The following ZFHX3 variants were observed in gnomAD, a reference collection of about 807,000 sequenced individuals.
ZFHX3 encodes zinc finger homeobox 3, also known as zinc finger homeobox protein 3.
In ZFHX3, 42 loss-of-function variants were observed where a neutral mutation model predicts 279.1. That is an observed-to-expected ratio of 0.15 (90% CI 0.12 to 0.19). The LOEUF (loss-of-function observed/expected upper bound fraction) is 0.19, where lower values mean the gene tolerates loss of function less well. ZFHX3 is among the 10% of genes least tolerant of loss of function. The pLI is 1.00. For missense variants in ZFHX3, 4,981 were observed against 4,754.0 expected (o/e 1.05, Z -1.40); for synonymous variants, 2,293 against 1,957.8 (o/e 1.17, Z -4.52).
At chr16:73,334,449 A>T (rs886118452) in intron 3 of ZFHX3, among the ~76,000 whole-genome samples, 2 of 152,190 alleles carry the variant, frequency 1.3e-5, no homozygotes, top group Non-Finnish European at 2.9e-5. Flanking sequence ...GGCAAGAATG[A>T]AATGCACTTT....
Position 72,962,647 on chromosome 16 carries a change from G to A in ZFHX3, c.-49-2453C>T, listed in dbSNP as rs530315020. Reference sequence around the variant, plus strand: ...GGACTTGAAGCATTATCCTCTCCGGGGAGCTTAAGAGACATGCACTGTCTC... The same window carrying A: ...GGACTTGAAGCATTATCCTCTCCGGAGAGCTTAAGAGACATGCACTGTCTC... On this transcript the variant is annotated intron_variant, in intron 1 of 9. Transcript: ENST00000268489. 5.9e-5 allele frequency among the ~76,000 whole-genome samples: 9 copies of A among 152,240 alleles called. No homozygotes were observed. In the South Asian group the frequency reaches 1.9e-3, roughly 32 times the overall value.
In ZFHX3 at chr16:72,958,700, T is replaced by C. The variant is rs1463596549; in HGVS notation, c.1446A>G (p.Glu482=). The C allele has an allele frequency of 3.7e-6, 6 of 1,613,624 alleles. No homozygotes were observed. In the East Asian group the frequency reaches 8.9e-5, roughly 24 times the overall value. The change falls in exon 2 of 10, where the codon GAA becomes GAG. Residue 482 remains glutamate, a synonymous_variant. Transcript: ENST00000268489. ...AACCCTCGTCTTCCTCCTCCTCTTC[T>C]TCCTCCTCCTCTTCTTCCTCCTCCT... The part of the protein sequence containing the change: ...AEEEEEEEEE[E]EEEEEDEGCK...
chr16:73,676,442 G>C (rs1193305433), intron 2 of ZFHX3, among the ~76,000 whole-genome samples: 1 of 151,742 alleles, frequency 6.6e-6, no homozygotes, highest in African/African-American at 2.4e-5. Flanking sequence ...TGGAGATATA[G>C]AGATTAAATA....
At chr16:73,158,644 A>AT (rs1967154385) in intron 5 of ZFHX3, among the ~76,000 whole-genome samples, 2 of 152,196 alleles carry the variant, frequency 1.3e-5, no homozygotes, top group Non-Finnish European at 2.9e-5. Flanking sequence ...AAAAAGCACG[A>AT]AGCTGGAGGC....
In ZFHX3 at chr16:73,447,180, C is replaced by CAA. The variant is rs61445002; in HGVS notation, c.-1291+8821_-1291+8822dup. Among the ~76,000 whole-genome samples, 488 of 90,546 alleles carry CAA rather than the reference C, an allele frequency of 5.4e-3. 4 individuals are homozygous for CAA. Among genetic ancestry groups the CAA allele is most frequent in the East Asian group, 0.033 (104 of 3,116 alleles). 59.4% of individuals were successfully genotyped at this position (90,546 alleles called of 152,430 possible). ...TGGGCAACAGAGCAAGACTCCATCTCAAAAAAAAAAAAAAAAATGTAAAAC... is the reference window on the plus strand; with the variant it reads ...TGGGCAACAGAGCAAGACTCCATCTCAAAAAAAAAAAAAAAAAAATGTAAAAC... On this transcript the variant is annotated intron_variant, in intron 3 of 17. Coordinates refer to the ZFHX3 transcript ENST00000641206.
At chr16:72,858,530 C>A (rs1490877775) in intron 4 of ZFHX3, among the ~76,000 whole-genome samples, 2 of 152,208 alleles carry the variant, frequency 1.3e-5, no homozygotes, top group East Asian at 3.8e-4. Context: ...TGCTTTTATA[C>A]ATTAATCAAT....
At chr16:73,728,024 C>CCA (rs1567563310) in intron 1 of ZFHX3, among the ~76,000 whole-genome samples, 1 of 114,538 alleles carries the variant, frequency 8.7e-6, no homozygotes, top group African/African-American at 3.2e-5. Context: ...TGCCCCCCCC[C>CCA]CGCCCCCAAT....
In ZFHX3 at chr16:72,908,178, A is replaced by T. The variant is rs77518531; in HGVS notation, c.3217-18216T>A. Among the ~76,000 whole-genome samples, 8 of 152,290 alleles carry T rather than the reference A, an allele frequency of 5.3e-5. No homozygotes were observed. The South Asian group carries it at 1.5e-3, about 28-fold the overall frequency. ...GTGAGACTGGAAGGTTCCTGAGGGC[A>T]GAGATGCTATGCCCTCCTCCCTGGG... On this transcript the variant is annotated intron_variant, in intron 3 of 9. Transcript: ENST00000268489.
At chr16:73,757,564 G>C (rs940925389) in intron 1 of ZFHX3, among the ~76,000 whole-genome samples, 3 of 152,136 alleles carry the variant, frequency 2.0e-5, no homozygotes, top group African/African-American at 7.2e-5. Context: ...ACCCACCAAG[G>C]CTAAGCAATG....
At chr16:73,476,198 G>T (rs762863480) in intron 2 of ZFHX3, among the ~76,000 whole-genome samples, 4 of 151,912 alleles carry the variant, frequency 2.6e-5, no homozygotes, top group Non-Finnish European at 5.9e-5. Context: ...ATTCTTTTGA[G>T]ATTTTGATTA....
chr16:73,735,909 T>TGTTTGTTTGTTTGTTTGTTTG (rs1567565769), intron 1 of ZFHX3, among the ~76,000 whole-genome samples: 1 of 148,130 alleles, frequency 6.8e-6, no homozygotes, highest in African/African-American at 2.6e-5. Context: ...TTTTTTTTTT[T>TGTTTGTTTGTTTGTTTGTTTG]TTTTTTTAAT....
intron 3 of ZFHX3, among the ~76,000 whole-genome samples, chr16:73,404,502 G>A (rs573826630): frequency 1.9e-4 from 29 of 152,254 alleles, no homozygotes; most frequent in African/African-American, 5.3e-4. Context: ...CTAAGCAGCC[G>A]CAAAGAGACC....
chr16:73,875,763 C>T (rs73603583), intron 1 of ZFHX3, among the ~76,000 whole-genome samples: 9,969 of 152,224 alleles, frequency 0.065, 835 homozygotes, highest in African/African-American at 0.19. Context: ...ATTTTACACA[C>T]ATCTGATAGC....
At chr16:73,504,158 A>C (rs2019284315) in intron 2 of ZFHX3, 1 of 152,098 alleles carries the variant, frequency 6.6e-6, no homozygotes, top group African/African-American at 2.4e-5. Context: ...TTTCTTTTAA[A>C]TGCTCCCCAC....
At chr16:73,206,944 A>C (rs1241315777) in intron 5 of ZFHX3, among the ~76,000 whole-genome samples, 1 of 151,742 alleles carries the variant, frequency 6.6e-6, no homozygotes, top group Non-Finnish European at 1.5e-5. Context: ...CTTGAACCTG[A>C]GAGGTGGAGG....
chr16:73,468,548 C>T (rs1482148231), intron 2 of ZFHX3, among the ~76,000 whole-genome samples: 1 of 152,146 alleles, frequency 6.6e-6, no homozygotes, highest in Non-Finnish European at 1.5e-5. Flanking sequence ...CCAGCCTGGC[C>T]AACATGGCGA....
In ZFHX3 at chr16:73,775,071, G is replaced by C. The variant is rs73602053; in HGVS notation, c.-1607-94831C>G. Among the ~76,000 whole-genome samples the C allele has an allele frequency of 9.7e-3, 1,482 of 152,118 alleles. 25 individuals are homozygous for C. Among genetic ancestry groups the C allele is most frequent in the African/African-American group, 0.034 (1,429 of 41,502 alleles). ...CTTCTCATTCCATTTTTCAAGTATA[G>C]ACACAGCTTAAGGGACAAACAAGAT... On this transcript the variant is annotated intron_variant, in intron 1 of 17. Transcript: ENST00000641206.
intron 1 of ZFHX3, among the ~76,000 whole-genome samples, chr16:73,830,360 G>C (rs1290576854): frequency 2.6e-5 from 4 of 151,268 alleles, no homozygotes; most frequent in African/African-American, 9.7e-5. Flanking sequence ...GAAATCACCC[G>C]TCTTCTGCGT....
chr16:73,339,675 C>T (rs1383224326), intron 3 of ZFHX3, among the ~76,000 whole-genome samples: 1 of 152,154 alleles, frequency 6.6e-6, no homozygotes, highest in Non-Finnish European at 1.5e-5. Flanking sequence ...AACTAATCAA[C>T]CATGAAGAGT....
Sources: allele counts gnomAD v4.1 joint callset (sites outside exome capture counted in the v4.1 genomes callset), GRCh38; gene constraint gnomAD v4.1.1; transcripts MANE v1.5; gene names NCBI Gene and HGNC (gene_info 2026-07-23, HGNC 2026-07-21).